The following ST3GAL1 variants were observed in gnomAD, a reference collection of about 807,000 sequenced individuals.
ST3GAL1 encodes the protein CMP-N-acetylneuraminate-beta-galactosamide-alpha-2,3-sialyltransferase 1.
Under a neutral mutation model 34.1 loss-of-function variants are expected in ST3GAL1, and 16 were observed. That is an observed-to-expected ratio of 0.47 (90% confidence interval 0.32 to 0.71). The LOEUF (loss-of-function observed/expected upper bound fraction) is 0.71, where lower values mean the gene tolerates loss of function less well. Among genes scored for constraint, ST3GAL1 ranks in the 30% least tolerant of loss-of-function variants. The probability of loss-of-function intolerance (pLI) is 0.04; values close to 1 mark genes in which losing one functional copy is unlikely to be tolerated. For synonymous variants in ST3GAL1, 191 were observed against 184.7 expected (o/e 1.03, Z -0.28); for missense variants, 353 against 447.4 (o/e 0.79, Z 1.90).
chr8:133,527,342 C>T (rs1818007251), intron 2 of ST3GAL1, among the ~76,000 whole-genome samples: 1 of 152,124 alleles, frequency 6.6e-6, no homozygotes, highest in African/African-American at 2.4e-5. Flanking sequence ...CTTTAGTTCT[C>T]TGTGCAACAG....
intron 3 of ST3GAL1, among the ~76,000 whole-genome samples, chr8:133,495,606 T>A (rs796160853): frequency 3.9e-5 from 6 of 152,336 alleles, no homozygotes; most frequent in African/African-American, 1.4e-4. Context: ...CTCTGACTGC[T>A]CTGTACCTGG....
chr8:133,566,388 C>T (rs1819400637), intron 1 of ST3GAL1, among the ~76,000 whole-genome samples: 1 of 152,178 alleles, frequency 6.6e-6, no homozygotes, highest in Non-Finnish European at 1.5e-5. Flanking sequence ...CTCTGTCTCC[C>T]GTAGGCTCTG....
chr8:133,528,239 T>C (rs1818036808), intron 2 of ST3GAL1, among the ~76,000 whole-genome samples: 1 of 152,134 alleles, frequency 6.6e-6, no homozygotes, highest in South Asian at 2.1e-4. Context: ...GTTTCACTCC[T>C]AGGGCCCCCA....
chr8:133,562,850 C>T (rs146572738), intron 1 of ST3GAL1, among the ~76,000 whole-genome samples: 37 of 106,340 alleles, frequency 3.5e-4, no homozygotes, highest in Non-Finnish European at 3.3e-4. Context: ...TCCTTTCTTT[C>T]TTTTTTTTTT....
intron 2 of ST3GAL1, among the ~76,000 whole-genome samples, chr8:133,532,117 C>A (rs1458927539): frequency 6.6e-6 from 1 of 152,058 alleles, no homozygotes; most frequent in Admixed American, 6.6e-5. Context: ...AAAATAATAC[C>A]ACTCTTCTAA....
chr8:133,547,618 C>T (rs1431078754), intron 1 of ST3GAL1, among the ~76,000 whole-genome samples: 1 of 152,062 alleles, frequency 6.6e-6, no homozygotes, highest in Non-Finnish European at 1.5e-5. Context: ...CAGCTCAGCC[C>T]CCAGATGTGT....
At chr8:133,505,579 G>A (rs774374729) in intron 2 of ST3GAL1, among the ~76,000 whole-genome samples, 7 of 151,584 alleles carry the variant, frequency 4.6e-5, no homozygotes, top group African/African-American at 7.3e-5. Flanking sequence ...CTAGCCTCAC[G>A]TGGCTATTTC....
chr8:133,501,175 T>C (rs912303122), intron 2 of ST3GAL1, among the ~76,000 whole-genome samples: 3 of 151,534 alleles, frequency 2.0e-5, no homozygotes, highest in African/African-American at 7.3e-5. Context: ...CAACACAGGG[T>C]TTTTCAGTGT....
At chr8:133,510,476 G>A (rs777390010) in intron 2 of ST3GAL1, among the ~76,000 whole-genome samples, 5 of 152,196 alleles carry the variant, frequency 3.3e-5, no homozygotes, top group Non-Finnish European at 7.3e-5. Context: ...GGTCCACTAT[G>A]TACATGCCGG....
intron 2 of ST3GAL1, among the ~76,000 whole-genome samples, chr8:133,522,518 G>A (rs1817843914): frequency 6.6e-6 from 1 of 152,146 alleles, no homozygotes; most frequent in Non-Finnish European, 1.5e-5. Flanking sequence ...CCTGTGTGGG[G>A]CAGAGCAGTA....
Position 133,461,406 on chromosome 8 carries a change from G to A in ST3GAL1, c.849+469C>T, listed in dbSNP as rs114702302. Among the ~76,000 whole-genome samples, 990 of 152,234 alleles carry A rather than the reference G, an allele frequency of 6.5e-3. 14 individuals carry two copies. The highest frequency in any genetic ancestry group is 0.022 in the African/African-American group (904 of 41,534). On this transcript the variant is annotated intron_variant, in intron 9 of 9. Transcript: ENST00000522652. This position sits in a 1 kb window ranked among gnomAD's most constrained non-coding sequence, Gnocchi z 4.7. ...ATGGGAAGGCAAATGCATGCTTCTC[G>A]AGATCACGGGTTCTCAACCTCGGTA... is the stretch of plus-strand genomic sequence containing the variant.
chr8:133,564,301 T>TTC (rs1423523131), intron 1 of ST3GAL1, among the ~76,000 whole-genome samples: 1 of 152,182 alleles, frequency 6.6e-6, no homozygotes, highest in Non-Finnish European at 1.5e-5. Context: ...TTTTCTAGTG[T>TTC]TCTCTCTAAA....
At chr8:133,489,585 G>T in intron 3 of ST3GAL1, 1 of 152,388 alleles carries the variant, frequency 6.6e-6, no homozygotes. Flanking sequence ...TAGGGTCTTT[G>T]GCAGGGATGG....
chr8:133,513,771 C>A (rs965558788), intron 2 of ST3GAL1, among the ~76,000 whole-genome samples: 1 of 151,950 alleles, frequency 6.6e-6, no homozygotes, highest in African/African-American at 2.4e-5. Flanking sequence ...TGGTGACTTG[C>A]GCCTATAATC....
chr8:133,503,119 A>C (rs187081357), intron 2 of ST3GAL1, among the ~76,000 whole-genome samples: 188 of 152,348 alleles, frequency 1.2e-3, no homozygotes, highest in Non-Finnish European at 2.2e-3. Flanking sequence ...CAGGTTACCC[A>C]CAGCATTTTC....
At chr8:133,481,570 A>G (rs1382856512) in intron 3 of ST3GAL1, among the ~76,000 whole-genome samples, 1 of 152,126 alleles carries the variant, frequency 6.6e-6, no homozygotes, top group Non-Finnish European at 1.5e-5. Context: ...ATCTTGGCTC[A>G]CTATTACCTC....
rs1325658881 is a variant in ST3GAL1 at position 133,469,210 on chromosome 8, G to A, written c.307-3120C>T. ...CTTATTTAAGAAAAATAAATTGATTGATTGATTGATTGATTTGATTTGATT... is the reference window on the plus strand; with the variant it reads ...CTTATTTAAGAAAAATAAATTGATTAATTGATTGATTGATTTGATTTGATT... On this transcript the variant is annotated intron_variant, in intron 5 of 9. Coordinates refer to ENST00000522652, the MANE Select transcript of ST3GAL1 (RefSeq NM_173344.3). The surrounding 1 kb of genome is among the most constrained non-coding windows in gnomAD (Gnocchi z 4.3). Among the ~76,000 whole-genome samples the A allele has an allele frequency of 6.6e-6, 1 of 152,024 alleles. No individual in the cohort carries two copies. Among genetic ancestry groups the A allele is most frequent in the African/African-American group, 2.4e-5 (1 of 41,364 alleles).
intron 3 of ST3GAL1, among the ~76,000 whole-genome samples, chr8:133,492,520 G>A (rs1208932959): frequency 2.6e-5 from 4 of 152,236 alleles, no homozygotes; most frequent in East Asian, 3.9e-4. Context: ...CAGGATTTCC[G>A]AGACCAGCCT....
chr8:133,497,724 C>T (rs1449712302), intron 3 of ST3GAL1, among the ~76,000 whole-genome samples: 8 of 152,122 alleles, frequency 5.3e-5, no homozygotes, highest in African/African-American at 1.7e-4. Context: ...CCGCCTGCCT[C>T]GGCCTCCCAA....
Sources: allele counts gnomAD v4.1 joint callset (sites outside exome capture counted in the v4.1 genomes callset), GRCh38; gene constraint gnomAD v4.1.1; non-coding constraint Gnocchi (gnomAD v3.1); transcripts MANE v1.5; gene names NCBI Gene and HGNC (gene_info 2026-07-23, HGNC 2026-07-21).